Variants in NCOA2 observed in about 807,000 individuals in gnomAD.
NCOA2 encodes the protein class E basic helix-loop-helix protein 75.
NCOA2 carries 21 observed loss-of-function variants against 145.1 expected under a neutral mutation model. The ratio of observed to expected loss-of-function variants is 0.14; its 90% CI spans 0.10 to 0.21. The LOEUF (loss-of-function observed/expected upper bound fraction) is 0.21. NCOA2 is among the 10% of genes least tolerant of loss of function. The pLI is 1.00. For synonymous variants in NCOA2, 619 were observed against 637.5 expected (o/e 0.97, Z 0.44); for missense variants, 1,472 against 1,837.6 (o/e 0.80, Z 3.64).
rs1451196603 is a variant in NCOA2 at position 70,117,011 on chromosome 8, T to G, written c.4384-3368A>C. On this transcript the variant is annotated intron_variant, in intron 22 of 22. Coordinates refer to ENST00000452400, the MANE Select transcript of NCOA2 (RefSeq NM_006540.4). ...CTACAAGCGTGCCACCCACTGTGCC[T>G]CACCTGAAAGACGCCTTTGCTGGGA... Among the ~76,000 whole-genome samples, 3 of 152,236 alleles carry G rather than the reference T, an allele frequency of 2.0e-5. No individual in the cohort carries two copies. The East Asian group carries it at 5.8e-4, about 29-fold the overall frequency.
intron 1 of NCOA2, among the ~76,000 whole-genome samples, chr8:70,307,843 T>C (rs1201162818): frequency 6.6e-6 from 1 of 152,240 alleles, no homozygotes; most frequent in Non-Finnish European, 1.5e-5. Context: ...ATCGATTTGG[T>C]AGTTTTGTTT....
At chr8:70,424,256 C>A in the NCOA2 span, 1 of 383,536 alleles carries the variant, frequency 2.6e-6, no homozygotes, top group South Asian at 2.1e-5. Context: ...TGCTCCAGGT[C>A]TTCACGGAGC....
In NCOA2 at chr8:70,144,945, G is replaced by A. The variant is rs1810856972; in HGVS notation, c.2606-97C>T. 3 of 1,136,250 alleles carry A rather than the reference G, an allele frequency of 2.6e-6. No individual in the cohort carries two copies. In the Admixed American group the frequency reaches 5.8e-5, roughly 22 times the overall value. The allele number at this position is 1,136,250 out of a possible 1,614,324, so 70.4% of individuals were successfully genotyped here. A position where few individuals can be genotyped will look rare whatever the true frequency, so the allele number is the denominator to read the frequency against. On this transcript the variant is annotated intron_variant, in intron 12 of 22. Transcript: ENST00000452400. ...GGGACAATGTCTGTAAAATGACAAAGGTATGTATGTCAGGGACCAACTACC... is the reference window on the plus strand; with the variant it reads ...GGGACAATGTCTGTAAAATGACAAAAGTATGTATGTCAGGGACCAACTACC...
intron 2 of NCOA2, among the ~76,000 whole-genome samples, chr8:70,217,151 C>T (rs1819699381): frequency 6.6e-6 from 1 of 152,210 alleles, no homozygotes; most frequent in Admixed American, 6.5e-5. Flanking sequence ...TCCTCCCAGT[C>T]TCTGTTTTGG....
chr8:70,252,462 G>A (rs954621049), intron 2 of NCOA2, among the ~76,000 whole-genome samples: 1 of 152,110 alleles, frequency 6.6e-6, no homozygotes, highest in Non-Finnish European at 1.5e-5. Context: ...AACTTTCAGG[G>A]TACAACATAT....
At chr8:70,294,572 C>A (rs1374292740) in intron 2 of NCOA2, among the ~76,000 whole-genome samples, 1 of 152,168 alleles carries the variant, frequency 6.6e-6, no homozygotes, top group Non-Finnish European at 1.5e-5. Context: ...AAGTTAAGGT[C>A]TCCTAATGAA....
intron 5 of NCOA2, among the ~76,000 whole-genome samples, chr8:70,170,993 C>T (rs375237730): frequency 7.9e-5 from 12 of 152,318 alleles, no homozygotes; most frequent in Non-Finnish European, 1.8e-4. Flanking sequence ...GTGGCAAACT[C>T]ACCTTCATGG....
chr8:70,432,527 G>C, the NCOA2 span, among the ~76,000 whole-genome samples: 1 of 152,170 alleles, frequency 6.6e-6, no homozygotes, highest in Non-Finnish European at 1.5e-5. Flanking sequence ...ACCAGGCCTA[G>C]GGGCATGCAC....
the NCOA2 span, among the ~76,000 whole-genome samples, chr8:70,442,163 G>GAAAGAAAGAA: frequency 3.3e-4 from 47 of 141,568 alleles, 1 homozygote; most frequent in East Asian, 8.5e-3. Flanking sequence ...AAGAAAGAAA[G>GAAAGAAAGAA]AGAAAGGCTG....
At chr8:70,370,204 A>C (rs1174669624) in intron 1 of NCOA2, among the ~76,000 whole-genome samples, 1 of 152,160 alleles carries the variant, frequency 6.6e-6, no homozygotes, top group Non-Finnish European at 1.5e-5. Context: ...AATATTTAAA[A>C]ACACGCAAAG....
intron 1 of NCOA2, among the ~76,000 whole-genome samples, chr8:70,361,491 G>C (rs934743902): frequency 6.6e-6 from 1 of 151,750 alleles, no homozygotes; most frequent in African/African-American, 2.4e-5. Context: ...AAAAAAGAAA[G>C]AAAGAAGAAA....
At chr8:70,226,407 G>T (rs190243001) in intron 2 of NCOA2, among the ~76,000 whole-genome samples, 9 of 152,090 alleles carry the variant, frequency 5.9e-5, no homozygotes, top group East Asian at 1.9e-4. Flanking sequence ...AATATAAACT[G>T]TAAGTGTATG....
chr8:70,323,218 A>C (rs994973249), intron 1 of NCOA2, among the ~76,000 whole-genome samples: 1 of 152,250 alleles, frequency 6.6e-6, no homozygotes, highest in Non-Finnish European at 1.5e-5. Flanking sequence ...ATCAATAATC[A>C]AACATAATCC....
chr8:70,146,410 A>G (rs1811070786), intron 12 of NCOA2, among the ~76,000 whole-genome samples: 1 of 152,262 alleles, frequency 6.6e-6, no homozygotes, highest in African/African-American at 2.4e-5. Context: ...AACTTATTAC[A>G]TAACATCAAG....
chr8:70,273,472 A>T (rs1326055955), intron 2 of NCOA2: 7 of 633,824 alleles, frequency 1.1e-5, no homozygotes, highest in Non-Finnish European at 1.9e-5. Context: ...TTCACAGAAC[A>T]GCCACAGCAA....
chr8:70,323,835 A>C (rs1028083391), intron 1 of NCOA2, among the ~76,000 whole-genome samples: 1 of 152,200 alleles, frequency 6.6e-6, no homozygotes, highest in African/African-American at 2.4e-5. Flanking sequence ...CCAAAATTTA[A>C]AGAATAATAT....
chr8:70,269,702 T>TAAC (rs1824891845), intron 2 of NCOA2, among the ~76,000 whole-genome samples: 1 of 152,094 alleles, frequency 6.6e-6, no homozygotes, highest in South Asian at 2.1e-4. Flanking sequence ...TAAGACAAAC[T>TAAC]AACAACTTCA....
chr8:70,386,936 A>C (rs1812724721), intron 1 of NCOA2, among the ~76,000 whole-genome samples: 1 of 151,746 alleles, frequency 6.6e-6, no homozygotes, highest in Non-Finnish European at 1.5e-5. Context: ...AAGAGATGGG[A>C]GTCTGACTCT....
the NCOA2 span, among the ~76,000 whole-genome samples, chr8:70,410,825 A>G: frequency 6.6e-6 from 1 of 152,234 alleles, no homozygotes; most frequent in East Asian, 1.9e-4. Context: ...GTACAATTGC[A>G]TTTATGCTAG....
Sources: gnomAD v4.1 joint callset for allele counts (sites outside exome capture counted in the v4.1 genomes callset) on GRCh38, gnomAD v4.1.1 for gene constraint, MANE v1.5 for transcripts, NCBI Gene and HGNC (gene_info 2026-07-23, HGNC 2026-07-21) for gene names.